PIK3C2B: variants seen among roughly 807,000 people sequenced by gnomAD.
The protein encoded by PIK3C2B is phosphatidylinositol 4-phosphate 3-kinase C2 domain-containing subunit beta.
A neutral mutation model predicts 184.3 loss-of-function variants in PIK3C2B; 83 were observed. The observed-to-expected ratio is 0.45, with a 90% confidence interval of 0.38 to 0.54. The LOEUF (loss-of-function observed/expected upper bound fraction) is 0.54. Among genes scored for constraint, PIK3C2B ranks in the 20% least tolerant of loss-of-function variants. The probability of loss-of-function intolerance (pLI) is 0.00; values close to 1 mark genes in which losing one functional copy is unlikely to be tolerated. For missense variants in PIK3C2B, 1,736 were observed against 2,113.5 expected (o/e 0.82, Z 3.50); for synonymous variants, 779 against 837.6 (o/e 0.93, Z 1.21).
rs979180111 is a variant in PIK3C2B, at chr1:204,469,401, T to C, written c.402A>G (p.Ser134=). ...SGDYLYIFDG[S]DGGVSSSPGP... is the part of the protein sequence containing the mutation. ...CTGGGGACGAAGAGACTCCCCCATC[T>C]GAACCATCAAAAATGTAGAGATAGT... Residue 134 remains serine (S), a synonymous_variant, in exon 2 of 33, where the codon TCA becomes TCG. Coordinates refer to ENST00000684373, the MANE Select transcript of PIK3C2B (RefSeq NM_001377334.1). The C allele has an allele frequency of 7.8e-6, 12 of 1,544,944 alleles. No homozygotes were observed. The highest frequency in any genetic ancestry group is 1.0e-5 in the Non-Finnish European group (12 of 1,150,696).
intron 19 of PIK3C2B, 91 bp downstream of exon 19, chr1:204,443,326 C>T (rs1250729662): frequency 1.3e-5 from 17 of 1,288,952 alleles, no homozygotes; most frequent in East Asian, 4.8e-5. Context: ...AAAATCGTCA[C>T]GTGGAATCTT....
chr1:204,492,504 G>C (rs914298107), intron 1 of PIK3C2B, among the ~76,000 whole-genome samples: 2 of 152,176 alleles, frequency 1.3e-5, no homozygotes, highest in African/African-American at 2.4e-5. Flanking sequence ...CATCCCAGCT[G>C]AAGCACCACA....
Position 204,494,205 on chromosome 1 carries a change from C to T in PIK3C2B, c.-85+151G>A, listed in dbSNP as rs371717936. Among the ~76,000 whole-genome samples the T allele has an allele frequency of 2.6e-5, 4 of 152,230 alleles. No individual in the cohort carries two copies. In the South Asian group the frequency reaches 6.2e-4, roughly 24 times the overall value. On this transcript the variant is annotated intron_variant, in intron 1 of 32. Transcript: ENST00000684373. Reference sequence around the variant, plus strand: ...TCAGGCTCCCACGGCGTCCGCCGCTCAGCCCGCCGCCAGGAACCCTCGGCT... The same window carrying T: ...TCAGGCTCCCACGGCGTCCGCCGCTTAGCCCGCCGCCAGGAACCCTCGGCT...
chr1:204,428,541 T>C (rs145297319), intron 29 of PIK3C2B, among the ~76,000 whole-genome samples: 157 of 152,252 alleles, frequency 1.0e-3, no homozygotes, highest in African/African-American at 3.6e-3. Context: ...TGTTTGTTTG[T>C]TTGAGATGGA....
At chr1:204,449,487 G>A (rs1456501737) in intron 13 of PIK3C2B, among the ~76,000 whole-genome samples, 191 bp from the exon 14 acceptor site, 1 of 152,208 alleles carries the variant, frequency 6.6e-6, no homozygotes, top group African/African-American at 2.4e-5. Flanking sequence ...AAGAGGACTT[G>A]TGAGCTAACC....
At chr1:204,463,545 A>G (rs1014243338) in intron 5 of PIK3C2B, among the ~76,000 whole-genome samples, 3 of 152,070 alleles carry the variant, frequency 2.0e-5, no homozygotes, top group African/African-American at 7.2e-5. Flanking sequence ...TGGGGAAAAG[A>G]CTTGTTGGCA....
chr1:204,428,248 T>G (rs770838426), intron 29 of PIK3C2B, 28 bp from the exon 30 acceptor site: 2 of 1,431,012 alleles, frequency 1.4e-6, no homozygotes, highest in East Asian at 4.6e-5. Flanking sequence ...ACAGGGCCAT[T>G]CTTCAATAAG....
At position 204,447,981 on chromosome 1, in the gene PIK3C2B, G is replaced by A. The variant is rs184335084; in HGVS notation, c.2347-403C>T. ...AGAGGGGAGGCAAGACCACACACTG[G>A]GAGAAGGCCCTGGGACACTCGGTCC... is the stretch of plus-strand genomic sequence containing the variant. On this transcript the variant is annotated intron_variant, in intron 14 of 32. Coordinates refer to ENST00000684373, the MANE Select transcript of PIK3C2B (RefSeq NM_001377334.1). This position sits in a 1 kb window ranked among gnomAD's most constrained non-coding sequence, Gnocchi z 4.1. 1.8e-3 allele frequency among the ~76,000 whole-genome samples: 268 copies of A among 152,262 alleles called. 3 individuals are homozygous for A. Among genetic ancestry groups the A allele is most frequent in the Non-Finnish European group, 4.7e-4 (32 of 68,020 alleles).
chr1:204,430,135 G>C (rs1266919431), intron 28 of PIK3C2B, 97 bp from the exon 29 acceptor site: 3 of 753,170 alleles, frequency 4.0e-6, no homozygotes, highest in Non-Finnish European at 6.8e-6. Context: ...TGCGTTTCCA[G>C]TCCCCTAGCA....
chr1:204,475,267 G>A (rs1474441091), intron 1 of PIK3C2B, among the ~76,000 whole-genome samples: 2 of 152,116 alleles, frequency 1.3e-5, no homozygotes, highest in African/African-American at 4.8e-5. Context: ...TCATGACCAC[G>A]TATGTGATAC....
At chr1:204,484,083 T>A (rs554467182) in intron 1 of PIK3C2B, among the ~76,000 whole-genome samples, 1 of 152,048 alleles carries the variant, frequency 6.6e-6, no homozygotes, top group Non-Finnish European at 1.5e-5. Flanking sequence ...TTACACTTTG[T>A]GCTGGTGAAA....
intron 1 of PIK3C2B, among the ~76,000 whole-genome samples, chr1:204,490,997 A>T (rs1007409263): frequency 6.6e-6 from 1 of 152,182 alleles, no homozygotes; most frequent in African/African-American, 2.4e-5. Flanking sequence ...AAATGCATAG[A>T]AAAGCAGATG....
At chr1:204,465,168 T>TACCCAAACCCCAAAG in intron 3 of PIK3C2B, 51 bp downstream of exon 3, 1 of 610,000 alleles carries the variant, frequency 1.6e-6, no homozygotes, top group Non-Finnish European at 3.1e-6. Context: ...ATGGCCCCCC[T>TACCCAAACCCCAAAG]CCCCATCCCC....
chr1:204,433,459 T>C lies in PIK3C2B; in HGVS notation c.3844-34A>G. 1 of 1,305,974 alleles carries C rather than the reference T, an allele frequency of 7.7e-7. No homozygotes were observed. The highest frequency in any genetic ancestry group is 1.1e-6 in the Non-Finnish European group (1 of 901,270). The allele number at this position is 1,305,974 out of a possible 1,614,324, so 80.9% of individuals were successfully genotyped here. ...AGCAGAAAGAAGAAGAGAGGGTGCCTGTAACAACAGAGAATTCTTGCTGCT... is the reference window on the plus strand; with the variant it reads ...AGCAGAAAGAAGAAGAGAGGGTGCCCGTAACAACAGAGAATTCTTGCTGCT... On this transcript the variant is annotated intron_variant, in intron 25 of 32. Transcript: ENST00000684373. The surrounding 1 kb of genome is among the most constrained non-coding windows in gnomAD (Gnocchi z 5.0).
chr1:204,454,228 A>T (rs1203510950), intron 12 of PIK3C2B, among the ~76,000 whole-genome samples: 2 of 147,906 alleles, frequency 1.4e-5, no homozygotes, highest in Admixed American at 6.7e-5. Context: ...CACGCCTGTA[A>T]TCCCAGCACT....
intron 5 of PIK3C2B, among the ~76,000 whole-genome samples, chr1:204,463,050 G>C (rs542576986): frequency 6.6e-6 from 1 of 152,276 alleles, no homozygotes; most frequent in South Asian, 2.1e-4. Context: ...GACAGAGTGA[G>C]ACTCTGTCTC....
At chr1:204,488,189 G>A (rs949695567) in intron 1 of PIK3C2B, among the ~76,000 whole-genome samples, 11 of 152,224 alleles carry the variant, frequency 7.2e-5, no homozygotes, top group Non-Finnish European at 1.2e-4. Flanking sequence ...CTCCAAAGCC[G>A]TGCTCTTAAC....
At position 204,457,034 on chromosome 1, in the gene PIK3C2B, T is replaced by C; in HGVS notation, c.1747+3A>G. ...GGATGAAGATGGAGAGCAGTTCCCT[T>C]ACCTCGGTTTTCCCTCACAGCCAAG... On this transcript the variant is annotated splice_donor_region_variant and intron_variant, in intron 10 of 32. Transcript: ENST00000684373. 1.9e-6 allele frequency: 3 copies of C among 1,566,354 alleles called. No homozygotes were observed. Among genetic ancestry groups the C allele is most frequent in the Non-Finnish European group, 2.6e-6 (3 of 1,154,020 alleles).
chr1:204,425,515 T>G, intron 32 of PIK3C2B, 98 bp downstream of exon 32: 1 of 1,327,508 alleles, frequency 7.5e-7, no homozygotes, highest in Non-Finnish European at 1.1e-6. Flanking sequence ...GCCATGTTCT[T>G]AATACAACAT....
Sources: gnomAD v4.1 joint callset for allele counts (sites outside exome capture counted in the v4.1 genomes callset) on GRCh38, gnomAD v4.1.1 for gene constraint, Gnocchi (gnomAD v3.1) non-coding constraint, MANE v1.5 for transcripts, NCBI Gene and HGNC (gene_info 2026-07-23, HGNC 2026-07-21) for gene names.